MTFMT: variants seen among roughly 807,000 people sequenced by gnomAD.
The protein encoded by MTFMT is mitochondrial methionyl-tRNA formyltransferase, also known as methionyl-tRNA formyltransferase, mitochondrial.
MTFMT carries 47 observed loss-of-function variants against 51.8 expected under a neutral mutation model. That is an observed-to-expected ratio of 0.91 (90% CI 0.72 to 1.16). MTFMT has a LOEUF of 1.16. MTFMT is among the 50% of genes most tolerant of loss of function. The pLI, the probability that MTFMT is intolerant of heterozygous loss-of-function variation, is 0.00. For missense variants in MTFMT, 512 were observed against 482.3 expected (o/e 1.06, Z -0.58); for synonymous variants, 196 against 176.7 (o/e 1.11, Z -0.87).
intron 8 of MTFMT, 96 bp from the exon 9 acceptor site, chr15:65,003,352 C>G (rs2086193234): frequency 1.1e-6 from 1 of 911,098 alleles, no homozygotes; most frequent in Admixed American, 2.3e-5. Flanking sequence ...TGGAAACAAA[C>G]AAACCAACAA....
chr15:65,028,232 C>T (rs143755123), intron 1 of MTFMT, among the ~76,000 whole-genome samples: 1 of 151,946 alleles, frequency 6.6e-6, no homozygotes, highest in Non-Finnish European at 1.5e-5. Context: ...TAAGCCTGGG[C>T]AACATGGTGA....
intron 4 of MTFMT, 84 bp downstream of exon 4, chr15:65,021,430 A>G: frequency 2.0e-6 from 2 of 979,150 alleles, no homozygotes; most frequent in Non-Finnish European, 1.6e-6. Context: ...GAAAATTAGA[A>G]GTCACAAAAT....
chr15:65,020,016 T>C (rs1301178836), intron 5 of MTFMT, among the ~76,000 whole-genome samples, 181 bp downstream of exon 5: 1 of 152,136 alleles, frequency 6.6e-6, no homozygotes. Flanking sequence ...GCTCAATCCT[T>C]CATGAGGCTA....
chr15:65,026,983 T>C lies in MTFMT; in HGVS notation c.267A>G (p.Pro89=), dbSNP rs1456865347. Residue 89 remains proline, a synonymous_variant, in exon 2 of 9, where the codon CCA becomes CCG. Transcript: ENST00000220058. The part of the protein sequence containing the change: ...DKLEVVTMPS[P]SPKGLPVKQY... ...GCTTCACTGGCAGTCCTTTTGGTGA[T>C]GGGGAAGGCATTGTGACCACCTCCA... 9 of 1,613,894 alleles carry C rather than the reference T, an allele frequency of 5.6e-6. No homozygotes were observed. Among genetic ancestry groups the C allele is most frequent in the Admixed American group, 3.3e-5 (2 of 59,992 alleles).
chr15:65,023,081 C>A (rs1027880522), intron 3 of MTFMT, among the ~76,000 whole-genome samples: 1 of 152,162 alleles, frequency 6.6e-6, no homozygotes, highest in Non-Finnish European at 1.5e-5. Context: ...CCAGATACCA[C>A]GTTGTTCTTG....
At chr15:65,027,478 C>T (rs921167374) in intron 1 of MTFMT, among the ~76,000 whole-genome samples, 1 of 152,072 alleles carries the variant, frequency 6.6e-6, no homozygotes, top group Non-Finnish European at 1.5e-5. Context: ...GGATTACAGG[C>T]GTGAACACCG....
Position 65,004,938 on chromosome 15 carries a change from T to A in MTFMT, c.893-2A>T. ...GAGCCTGTCCCGTTAATTTTGGATC[T>A]GAAGAATGGAAAAAAGAAAAGATAT... is the stretch of plus-strand genomic sequence containing the variant. On this transcript the variant is annotated splice_acceptor_variant, in intron 7 of 8. Transcript: ENST00000220058. LOFTEE classifies it high-confidence loss of function. 1.9e-6 allele frequency: 3 copies of A among 1,605,344 alleles called. No individual in the cohort carries two copies. Among genetic ancestry groups the A allele is most frequent in the Non-Finnish European group, 2.6e-6 (3 of 1,172,656 alleles).
chr15:65,029,305 T>C, intron 1 of MTFMT, 100 bp downstream of exon 1: 4 of 1,328,562 alleles, frequency 3.0e-6, no homozygotes, highest in Non-Finnish European at 3.8e-6. Flanking sequence ...CTGCCGCCCA[T>C]GCTTTCCGCA....
At chr15:65,016,411 A>G (rs1423261047) in intron 6 of MTFMT, 25 bp downstream of exon 6, 2 of 1,467,882 alleles carry the variant, frequency 1.4e-6, no homozygotes, top group South Asian at 2.5e-5. Context: ...ACTAGGTAGA[A>G]CTGCAACCTG....
At chr15:65,017,091 TA>T (rs68058563) in intron 5 of MTFMT, among the ~76,000 whole-genome samples, 46,892 of 140,038 alleles carry the variant, frequency 0.33, 8,605 homozygotes, top group South Asian at 0.48. Flanking sequence ...CAAAATAAAT[TA>T]AAAAAAAAAA....
Position 65,006,094 on chromosome 15 carries a change from G to A in MTFMT, c.892+19C>T. On this transcript the variant is annotated intron_variant, in intron 7 of 8. Transcript: ENST00000220058. ...TACAGTGAAAACAGCTTCCATGTTA[G>A]CTATTCAAAAGTTAGTACCAGCAAG... The A allele has an allele frequency of 6.3e-7, 1 of 1,581,290 alleles. No homozygotes were observed. The highest frequency in any genetic ancestry group is 8.7e-7 in the Non-Finnish European group (1 of 1,151,884).
At chr15:65,025,679 C>T (rs1471209131) in intron 2 of MTFMT, among the ~76,000 whole-genome samples, 2 of 152,030 alleles carry the variant, frequency 1.3e-5, no homozygotes, top group African/African-American at 4.8e-5. Context: ...GATGGAGTAG[C>T]CATTTATTGA....
At position 65,029,638 on chromosome 15, in the gene MTFMT, C is replaced by T. The variant is rs929108958; in HGVS notation, c.-25G>A. 4.5e-5 allele frequency: 62 copies of T among 1,374,526 alleles called. No individual in the cohort carries two copies. The highest frequency in any genetic ancestry group is 5.7e-5 in the Non-Finnish European group (61 of 1,063,744). 85.1% of individuals were successfully genotyped at this position (1,374,526 alleles called of 1,614,324 possible). A position where few individuals can be genotyped will look rare whatever the true frequency, so the allele number is the denominator to read the frequency against. ...TCGCCTCGGCCGCCGGCGGCCGGCC[C>T]TGCGCAGGCGCATCGGGGCGGGGAC... On this transcript the variant is annotated 5_prime_UTR_variant, in exon 1 of 9. Coordinates refer to ENST00000220058, the MANE Select transcript of MTFMT (RefSeq NM_139242.4).
At chr15:65,020,778 G>GA (rs1425981396) in intron 4 of MTFMT, among the ~76,000 whole-genome samples, 4 of 152,262 alleles carry the variant, frequency 2.6e-5, no homozygotes, top group Middle Eastern at 3.4e-3. Flanking sequence ...CATCATCTGT[G>GA]AAACAATCAA....
At chr15:65,010,964 C>G (rs1302481365) in intron 6 of MTFMT, among the ~76,000 whole-genome samples, 6 of 152,126 alleles carry the variant, frequency 3.9e-5, no homozygotes, top group Non-Finnish European at 8.8e-5. Flanking sequence ...TCCCTAAAGA[C>G]AGATGAAGTT....
intron 2 of MTFMT, among the ~76,000 whole-genome samples, chr15:65,025,372 G>T (rs180936918): frequency 1.7e-3 from 251 of 152,088 alleles, no homozygotes; most frequent in African/African-American, 5.5e-3. Context: ...ACTCCAGCCT[G>T]GGTGACAGCA....
At chr15:65,012,538 A>G (rs939619684) in intron 6 of MTFMT, among the ~76,000 whole-genome samples, 7 of 151,934 alleles carry the variant, frequency 4.6e-5, no homozygotes, top group Non-Finnish European at 8.8e-5. Flanking sequence ...TGGGACTACA[A>G]GCGTGCACCA....
chr15:65,020,670 T>C (rs776760132), intron 4 of MTFMT, among the ~76,000 whole-genome samples: 1 of 152,220 alleles, frequency 6.6e-6, no homozygotes, highest in Admixed American at 6.5e-5. Context: ...GACAATGTAC[T>C]ATGGAGTCAC....
rs1352093680 is a variant in MTFMT, at chr15:65,021,542, G to A, written c.617C>T (p.Ala206Val). The change falls in exon 4 of 9, where the codon GCA becomes GTA. Residue 206 changes from alanine to valine, a missense_variant. Coordinates refer to ENST00000220058, the MANE Select transcript of MTFMT (RefSeq NM_139242.4). ...PPKSTAKELE[A>V]VLSRLGANML... ...GTTGGCACCCAGTCTTGACAACACT[G>A]CTTCCAATTCCTTTGCAGTGCTCTT... The A allele has an allele frequency of 1.2e-6, 2 of 1,610,270 alleles. No homozygotes were observed. Among genetic ancestry groups the A allele is most frequent in the South Asian group, 1.1e-5 (1 of 90,766 alleles).
Sources: gnomAD v4.1 joint callset for allele counts (sites outside exome capture counted in the v4.1 genomes callset) on GRCh38, gnomAD v4.1.1 for gene constraint, MANE v1.5 for transcripts, NCBI Gene and HGNC (gene_info 2026-07-23, HGNC 2026-07-21) for gene names.